PNPLA1: variants seen among roughly 807,000 people sequenced by gnomAD.
PNPLA1 encodes the protein omega-hydroxyceramide transacylase.
Under a neutral mutation model 51.7 loss-of-function variants are expected in PNPLA1, and 36 were observed. The observed-to-expected ratio is 0.70, with a 90% CI of 0.53 to 0.92. The LOEUF (loss-of-function observed/expected upper bound fraction) is 0.92, where lower values mean the gene tolerates loss of function less well. Ranked by LOEUF, PNPLA1 falls within the 40% of genes least tolerant of loss-of-function variation. PNPLA1 has a pLI of 0.00. For missense variants in PNPLA1, 658 were observed against 682.5 expected, an observed-to-expected ratio of 0.96 and a Z score of 0.40; for synonymous variants, 293 against 280.1, an observed-to-expected ratio of 1.05 and a Z score of -0.46.
At chr6:36,290,117 G>T (rs1770629381) in intron 1 of PNPLA1, among the ~76,000 whole-genome samples, 1 of 152,102 alleles carries the variant, frequency 6.6e-6, no homozygotes, top group African/African-American at 2.4e-5. Context: ...CCTCTGCCTG[G>T]TTACCTCCTG....
At position 36,291,416 on chromosome 6, in the gene PNPLA1, G is replaced by A; in HGVS notation, c.302G>A (p.Arg101Lys). The A allele has an allele frequency of 6.2e-7, 1 of 1,614,148 alleles. No homozygotes were observed. Among genetic ancestry groups the A allele is most frequent in the Non-Finnish European group, 8.5e-7 (1 of 1,180,032 alleles). Residue 101 changes from arginine (R) to lysine (K), a missense_variant, in exon 2 of 9, where the codon AGG becomes AAG. Coordinates refer to ENST00000636260, the MANE Select transcript of PNPLA1 (RefSeq NM_001374623.1). ...SPSCKMVQMM[R>K]QFLYRVLPED... The stretch of plus-strand genomic sequence containing the variant: ...TCCTGTAAGATGGTGCAGATGATGA[G>A]GCAGTTTCTGTACCGGGTCCTGCCC...
Position 36,300,178 on chromosome 6 carries a change from T to TGAGAGA in PNPLA1, c.776-1650_776-1645dup, listed in dbSNP as rs71548136. ...TCTTATTCTTGTGTGTGTGTGTGTGTGAGAGAGAGAGAGAGAGAGAGAGAG... is the reference window on the plus strand; with the variant it reads ...TCTTATTCTTGTGTGTGTGTGTGTGTGAGAGAGAGAGAGAGAGAGAGAGAGAGAGAG... On this transcript the variant is annotated intron_variant, in intron 5 of 8. Transcript: ENST00000636260. Among the ~76,000 whole-genome samples the TGAGAGA allele has an allele frequency of 8.5e-3, 831 of 98,130 alleles. 10 individuals carry two copies. The highest frequency in any genetic ancestry group is 0.021 in the African/African-American group (622 of 30,114). 64.4% of individuals were successfully genotyped at this position (98,130 alleles called of 152,430 possible). A position where few individuals can be genotyped will look rare whatever the true frequency, so the allele number is the denominator to read the frequency against.
In PNPLA1 at chr6:36,302,089, T is replaced by C. The variant is rs146664996; in HGVS notation, c.1004T>C (p.Leu335Pro). 1.2e-6 allele frequency: 2 copies of C among 1,614,108 alleles called. No individual in the cohort carries two copies. The highest frequency in any genetic ancestry group is 1.3e-5 in the African/African-American group (1 of 74,932). Residue 335 changes from leucine to proline, a missense_variant, in exon 6 of 9, where the codon CTT becomes CCT. Leu to Pro is a moderately conservative substitution (Grantham distance 98). Coordinates refer to ENST00000636260, the MANE Select transcript of PNPLA1 (RefSeq NM_001374623.1). ...CCTGTGTCCCAACCTGTGCAGACAC[T>C]TGAATTCACATGCGAGTCACCTGTT... ...GPPVSQPVQT[L>P]EFTCESPVSA...
At chr6:36,257,624 T>C (rs558821025) in intron 1 of PNPLA1, among the ~76,000 whole-genome samples, 2 of 152,394 alleles carry the variant, frequency 1.3e-5, no homozygotes, top group East Asian at 3.9e-4. Flanking sequence ...AGTTTTTGTT[T>C]ATCTGCTGAG....
intron 1 of PNPLA1, among the ~76,000 whole-genome samples, chr6:36,278,457 C>G (rs181097204): frequency 7.9e-5 from 12 of 152,290 alleles, no homozygotes; most frequent in Admixed American, 7.8e-4. Context: ...CCTCATTTTG[C>G]AGATAATTGT....
intron 1 of PNPLA1, among the ~76,000 whole-genome samples, chr6:36,261,761 A>G (rs1187641087): frequency 6.6e-6 from 1 of 152,212 alleles, no homozygotes; most frequent in Non-Finnish European, 1.5e-5. Flanking sequence ...AGGCACAGAG[A>G]TGTCAAATAA....
At chr6:36,249,419 C>T (rs534581044) in intron 1 of PNPLA1, among the ~76,000 whole-genome samples, 4 of 152,170 alleles carry the variant, frequency 2.6e-5, no homozygotes, top group Non-Finnish European at 4.4e-5. Context: ...TATTTTTGAC[C>T]GAATTGTCCA....
rs1231123861 is a variant in PNPLA1, at chr6:36,270,551, C to A, written c.92C>A (p.Ala31Asp). The change falls in exon 1 of 9, where the codon GCT (alanine) becomes GAT (aspartate). Residue 31 changes from alanine (A) to aspartate (D), a missense_variant. Physicochemically the swap from Ala to Asp is moderately radical, Grantham distance 126. Coordinates refer to ENST00000636260, the MANE Select transcript of PNPLA1 (RefSeq NM_001374623.1). ...TTCCTCTCCTTCTACCAGGCGGGGG[C>A]TGTGGACGCCCTGCGGGACCTGGCC... ...SGFLSFYQAG[A>D]VDALRDLAPR... 5 of 1,551,512 alleles carry A rather than the reference C, an allele frequency of 3.2e-6. No homozygotes were observed. The highest frequency in any genetic ancestry group is 4.4e-6 in the Non-Finnish European group (5 of 1,147,012).
intron 1 of PNPLA1, among the ~76,000 whole-genome samples, chr6:36,252,070 G>A (rs1421504622): frequency 6.6e-6 from 1 of 152,218 alleles, no homozygotes; most frequent in Non-Finnish European, 1.5e-5. Flanking sequence ...AGGTAAGGAA[G>A]TTTGAGGCAG....
chr6:36,286,540 C>A (rs1770492810), intron 1 of PNPLA1, among the ~76,000 whole-genome samples: 1 of 151,474 alleles, frequency 6.6e-6, no homozygotes, highest in Admixed American at 6.6e-5. Context: ...CTTTGAGGAG[C>A]CTGGGCAACA....
intron 1 of PNPLA1, among the ~76,000 whole-genome samples, chr6:36,261,055 C>T (rs987345945): frequency 2.0e-5 from 3 of 152,196 alleles, no homozygotes; most frequent in African/African-American, 7.2e-5. Context: ...CTTTGAACGG[C>T]TGGGCTCAAG....
chr6:36,310,990 G>A (rs1197545048), intron 8 of PNPLA1, among the ~76,000 whole-genome samples: 2 of 152,190 alleles, frequency 1.3e-5, no homozygotes, highest in Non-Finnish European at 2.9e-5. Context: ...GGAGGGTCCC[G>A]GGGCAGTGTG....
chr6:36,282,094 AAG>A lies in PNPLA1; in HGVS notation c.206-9225_206-9224del, dbSNP rs1491479534. Among the ~76,000 whole-genome samples, 724 of 130,452 alleles carry A rather than the reference AAG, an allele frequency of 5.5e-3. 7 individuals are homozygous for A. The highest frequency in any genetic ancestry group is 0.011 in the East Asian group (49 of 4,530). 85.6% of individuals were successfully genotyped at this position (130,452 alleles called of 152,430 possible). The stretch of plus-strand genomic sequence containing the variant: ...GAAAGAAAGAAAGAAAGAAAGAAGG[AAG>A]GAAGGAAGGAAGGAAGGAAGGAAGG... On this transcript the variant is annotated intron_variant, in intron 1 of 8. Coordinates refer to ENST00000636260, the MANE Select transcript of PNPLA1 (RefSeq NM_001374623.1).
chr6:36,286,001 G>C (rs954675451), intron 1 of PNPLA1, among the ~76,000 whole-genome samples: 1 of 152,166 alleles, frequency 6.6e-6, no homozygotes, highest in Admixed American at 6.5e-5. Context: ...AAGGATGTGG[G>C]GGCAGGGATC....
chr6:36,284,575 CCA>C (rs1770421599), intron 1 of PNPLA1, among the ~76,000 whole-genome samples: 2 of 151,782 alleles, frequency 1.3e-5, no homozygotes, highest in Non-Finnish European at 2.9e-5. Context: ...ATCCATCCAT[CCA>C]TCCATCCATC....
Position 36,302,053 on chromosome 6 carries a change from GC to G in PNPLA1, c.970del (p.His324MetfsTer43). 1.2e-6 allele frequency: 2 copies of G among 1,614,202 alleles called. No homozygotes were observed. The highest frequency in any genetic ancestry group is 1.7e-6 in the Non-Finnish European group (2 of 1,180,038). ...GTTCCCAAAGGGGATGGAAGGGGCA[GC>G]CATGGTCCGCCTGTGTCCCAACCTG... ...EWVPKGDGRGSHGPPVSQPVQ... is the reference protein window; with the variant it reads ...EWVPKGDGRGXHGPPVSQPVQ... On this transcript the variant is annotated frameshift_variant, in exon 6 of 9. Transcript: ENST00000636260. LOFTEE classifies it high-confidence loss of function.
Position 36,291,346 on chromosome 6 carries a change from G to A in PNPLA1, c.232G>A (p.Gly78Ser). The A allele has an allele frequency of 1.9e-6, 3 of 1,614,048 alleles. No individual in the cohort carries two copies. The highest frequency in any genetic ancestry group is 2.5e-6 in the Non-Finnish European group (3 of 1,179,976). The change falls in exon 2 of 9, where the codon GGT becomes AGT. Residue 78 changes from glycine to serine, a missense_variant. By Grantham distance (56) the Gly-to-Ser change is moderately conservative. Transcript: ENST00000636260. Reference protein sequence around the residue: ...MDEYLRVLNVGVAEVKKSFLG... With the variant: ...MDEYLRVLNVSVAEVKKSFLG... Reference sequence around the variant, plus strand: ...TGAGTATCTCAGAGTCCTCAACGTGGGTGTGGCCGAGGTGAAGAAATCCTT... The same window carrying A: ...TGAGTATCTCAGAGTCCTCAACGTGAGTGTGGCCGAGGTGAAGAAATCCTT...
intron 1 of PNPLA1, among the ~76,000 whole-genome samples, chr6:36,273,728 C>CAAAAAAAAAAAAAAAGA (rs1769999737): frequency 2.1e-5 from 1 of 48,210 alleles, no homozygotes; most frequent in Admixed American, 3.1e-4. Context: ...GACCCCATCG[C>CAAAAAAAAAAAAAAAGA]AAAAAAAAAA....
At position 36,270,441 on chromosome 6, in the gene PNPLA1, A is replaced by G; in HGVS notation, c.-19A>G. ...TGAAGGGTGGCTCCGCCTTCCGCAGAAAGTCAGAGGCCGAGGAGATGGAAG... is the reference window on the plus strand; with the variant it reads ...TGAAGGGTGGCTCCGCCTTCCGCAGGAAGTCAGAGGCCGAGGAGATGGAAG... On this transcript the variant is annotated 5_prime_UTR_variant, in exon 1 of 9. Transcript: ENST00000636260. 3 of 1,550,620 alleles carry G rather than the reference A, an allele frequency of 1.9e-6. No individual in the cohort carries two copies. Among genetic ancestry groups the G allele is most frequent in the Non-Finnish European group, 2.6e-6 (3 of 1,146,698 alleles).
Sources: gnomAD v4.1 joint callset for allele counts (sites outside exome capture counted in the v4.1 genomes callset) on GRCh38, gnomAD v4.1.1 for gene constraint, MANE v1.5 for transcripts, NCBI Gene and HGNC (gene_info 2026-07-23, HGNC 2026-07-21) for gene names.